Variants in MFN2 observed in about 807,000 individuals in gnomAD.
MFN2 encodes the protein mitofusin 2.
A neutral mutation model predicts 87.5 loss-of-function variants in MFN2; 43 were observed. That is an observed-to-expected ratio of 0.49 (90% confidence interval 0.38 to 0.63). The LOEUF is 0.63. MFN2 is among the 30% of genes least tolerant of loss of function. The pLI is 0.00. For missense variants in MFN2, 743 were observed against 972.8 expected, an observed-to-expected ratio of 0.76 and a Z score of 3.14; for synonymous variants, 337 against 359.9, an observed-to-expected ratio of 0.94 and a Z score of 0.72.
In MFN2 at chr1:11,997,408, G is replaced by T; in HGVS notation, c.586G>T (p.Val196Phe). 6.2e-7 allele frequency: 1 copy of T among 1,614,096 alleles called. No homozygotes were observed. Among genetic ancestry groups the T allele is most frequent in the Non-Finnish European group, 8.5e-7 (1 of 1,179,970 alleles). Residue 196 changes from valine to phenylalanine, a missense_variant, in exon 6 of 19, where the codon GTT becomes TTT. This residue lies in a region of MFN2 where 141 missense variants were observed against 278.9 expected (regional missense o/e 0.51). Coordinates refer to ENST00000235329, the MANE Select transcript of MFN2 (RefSeq NM_014874.4). ...GTGCCCACTTCTGAAGGATGACCTC[G>T]TTTTGATGGACAGGTAAGAGGGAGG... ...SKCPLLKDDLVLMDSPGIDVT... is the reference protein window; with the variant it reads ...SKCPLLKDDLFLMDSPGIDVT...
intron 17 of MFN2, among the ~76,000 whole-genome samples, chr1:12,007,753 C>T (rs1178573115): frequency 6.6e-6 from 1 of 152,034 alleles, no homozygotes; most frequent in Admixed American, 6.6e-5. Flanking sequence ...TGTCTTATAG[C>T]CATCTCCTTT....
In MFN2 at chr1:12,005,795, A is replaced by T; in HGVS notation, c.1580A>T (p.Asp527Val). Residue 527 changes from aspartate to valine, a missense_variant, in exon 15 of 19, where the codon GAC becomes GTC. Asp to Val is a radical substitution (Grantham distance 152). Coordinates refer to ENST00000235329, the MANE Select transcript of MFN2 (RefSeq NM_014874.4). ...VPRQCFSLNY[D>V]LNCDKLCADF... ...CGCCAGTGCTTCTCCCTCAACTATG[A>T]CCTAAACTGTGACAAGCTGTGTGCT... The T allele has an allele frequency of 6.2e-7, 1 of 1,614,012 alleles. No homozygotes were observed. Among genetic ancestry groups the T allele is most frequent in the Non-Finnish European group, 8.5e-7 (1 of 1,179,986 alleles).
intron 15 of MFN2, 150 bp from the exon 16 acceptor site, chr1:12,006,388 T>G: frequency 9.4e-7 from 1 of 1,065,212 alleles, no homozygotes; most frequent in Non-Finnish European, 1.4e-6. Context: ...TCTCCTCTGC[T>G]ACATCTGAAG....
intron 3 of MFN2, among the ~76,000 whole-genome samples, 192 bp downstream of exon 3, chr1:11,989,535 A>G (rs1256566729): frequency 6.6e-6 from 1 of 152,142 alleles, no homozygotes; most frequent in African/African-American, 2.4e-5. Flanking sequence ...GGGAACTGCC[A>G]TTTAGTAATT....
intron 8 of MFN2, among the ~76,000 whole-genome samples, chr1:12,001,038 C>G (rs1427483563): frequency 2.0e-5 from 3 of 151,770 alleles, no homozygotes; most frequent in Non-Finnish European, 4.4e-5. Flanking sequence ...TCTTTTTTTT[C>G]CCTCACTCTG....
intron 18 of MFN2, among the ~76,000 whole-genome samples, chr1:12,010,301 A>ACAGTACT (rs1639636812): frequency 1.3e-5 from 2 of 152,248 alleles, no homozygotes; most frequent in Non-Finnish European, 2.9e-5. Context: ...TGCAGTTCAC[A>ACAGTACT]GCGCCCTGTG....
intron 8 of MFN2, among the ~76,000 whole-genome samples, chr1:11,999,412 C>T (rs1365335915): frequency 6.6e-6 from 1 of 152,132 alleles, no homozygotes; most frequent in East Asian, 1.9e-4. Flanking sequence ...TCTAGGGAGG[C>T]CTCTGGGAAA....
Position 12,004,098 on chromosome 1 carries a change from A to G in MFN2, c.1267A>G (p.Thr423Ala), listed in dbSNP as rs765921889. ...QDYKLRIKQI[T>A]EEVERQVSTA... ...CTATAAGCTGCGAATTAAGCAGATT[A>G]CGGAGGAAGTGGAGAGGCAGGTGAG... The change falls in exon 12 of 19, where the codon ACG becomes GCG. Residue 423 changes from threonine (T) to alanine (A), a missense_variant. By Grantham distance (58) the Thr-to-Ala change is moderately conservative. Around this residue, in one of 3 missense-constraint regions of MFN2, gnomAD observed 571 missense variants for 670.7 expected, o/e 0.85. Transcript: ENST00000235329. The surrounding 1 kb of genome is among the most constrained non-coding windows in gnomAD (Gnocchi z 4.2). 6.2e-6 allele frequency: 10 copies of G among 1,614,046 alleles called. No homozygotes were observed. In the Admixed American group the frequency reaches 1.0e-4, roughly 16 times the overall value.
chr1:11,993,263 T>G (rs1638771725), intron 4 of MFN2, among the ~76,000 whole-genome samples: 1 of 151,654 alleles, frequency 6.6e-6, no homozygotes, highest in Non-Finnish European at 1.5e-5. Context: ...TTCATAAAAC[T>G]TTTATTCCAC....
chr1:12,003,174 TC>T lies in MFN2; in HGVS notation c.1161-816del, dbSNP rs58217213. ...TTTTAAGAGTCTTCCTGGGGTGAGT[TC>T]CTAGGGGTGTGGCAATTCTGTTTTA... On this transcript the variant is annotated intron_variant, in intron 11 of 18. Transcript: ENST00000235329. The surrounding 1 kb of genome is among the most constrained non-coding windows in gnomAD (Gnocchi z 4.1). Among the ~76,000 whole-genome samples, 7,140 of 152,222 alleles carry T rather than the reference TC, an allele frequency of 0.047. 236 individuals carry two copies. The highest frequency in any genetic ancestry group is 0.13 in the East Asian group (657 of 5,176).
At chr1:11,997,820 T>C (rs1423687600) in intron 6 of MFN2, among the ~76,000 whole-genome samples, 1 of 151,960 alleles carries the variant, frequency 6.6e-6, no homozygotes, top group East Asian at 1.9e-4. Flanking sequence ...ACATGTACAG[T>C]ATTGTAGTGT....
chr1:11,998,848 G>A lies in MFN2; in HGVS notation c.678G>A (p.Val226=), dbSNP rs768576445. Residue 226 remains valine (V), a synonymous_variant, in exon 7 of 19, where the codon GTG becomes GTA. Transcript: ENST00000235329. ...FCLDADVFVL[V]ANSESTLMQT... ...TGGATGCTGATGTGTTTGTGCTGGT[G>A]GCCAACTCAGAGTCCACCCTGATGC... 1 of 1,614,044 alleles carries A rather than the reference G, an allele frequency of 6.2e-7. No individual in the cohort carries two copies. Among genetic ancestry groups the A allele is most frequent in the African/African-American group, 1.3e-5 (1 of 74,890 alleles).
Position 12,007,050 on chromosome 1 carries a change from C to T in MFN2, c.1873-3C>T. 1 of 1,613,380 alleles carries T rather than the reference C, an allele frequency of 6.2e-7. No homozygotes were observed. The highest frequency in any genetic ancestry group is 8.5e-7 in the Non-Finnish European group (1 of 1,180,040). ...CACTCCAGGCTGACCATGTGCTCTG[C>T]AGGTGTGGAAGGCAGTGGGCTGGCG... On this transcript the variant is annotated splice_polypyrimidine_tract_variant and splice_region_variant and intron_variant, in intron 16 of 18. Transcript: ENST00000235329.
Position 11,999,032 on chromosome 1 carries a change from A to C in MFN2, c.753A>C (p.Pro251=), listed in dbSNP as rs1639057529. 2 of 1,614,128 alleles carry C rather than the reference A, an allele frequency of 1.2e-6. No homozygotes were observed. The highest frequency in any genetic ancestry group is 1.7e-6 in the Non-Finnish European group (2 of 1,180,022). Residue 251 remains proline (P), a synonymous_variant, in exon 8 of 19, where the codon CCA becomes CCC. Transcript: ENST00000235329. ...FHKVSERLSR[P]NIFILNNRWD... ...AGGTGAGTGAGCGTCTCTCCCGGCC[A>C]AACATCTTCATCCTGAACAACCGCT...
intron 4 of MFN2, among the ~76,000 whole-genome samples, chr1:11,994,165 A>G (rs111614341): frequency 1.6e-4 from 25 of 152,342 alleles, no homozygotes; most frequent in Non-Finnish European, 2.6e-4. Context: ...ACTGGAACCA[A>G]TGATCCTTTT....
intron 3 of MFN2, among the ~76,000 whole-genome samples, chr1:11,991,785 G>A (rs866044332): frequency 3.1e-4 from 46 of 150,342 alleles, no homozygotes; most frequent in African/African-American, 9.7e-4. Flanking sequence ...TTAGCCGGGC[G>A]TAGTGGCGGG....
chr1:12,004,642 G>A lies in MFN2; in HGVS notation c.1392+29G>A. On this transcript the variant is annotated intron_variant, in intron 13 of 18. Transcript: ENST00000235329. The surrounding 1 kb of genome is among the most constrained non-coding windows in gnomAD (Gnocchi z 4.2). ...AGTCATGGAGCAACAGGTCCTCTTGGCAGGAGGCCCCCAAAAGTGATTCAA... is the reference window on the plus strand; with the variant it reads ...AGTCATGGAGCAACAGGTCCTCTTGACAGGAGGCCCCCAAAAGTGATTCAA... 6.2e-7 allele frequency: 1 copy of A among 1,603,612 alleles called. No individual in the cohort carries two copies. The highest frequency in any genetic ancestry group is 8.5e-7 in the Non-Finnish European group (1 of 1,170,496).
At chr1:12,007,475 C>T (rs1390238871) in intron 17 of MFN2, among the ~76,000 whole-genome samples, 2 of 152,164 alleles carry the variant, frequency 1.3e-5, no homozygotes, top group Non-Finnish European at 2.9e-5. Flanking sequence ...CCTCTGGGCC[C>T]CTTGGTGAGG....
intron 4 of MFN2, 76 bp from the exon 5 acceptor site, chr1:11,996,080 A>T: frequency 6.3e-7 from 1 of 1,597,778 alleles, no homozygotes; most frequent in East Asian, 2.2e-5. Flanking sequence ...TTGGCCTTCC[A>T]GGCTGGTATC....
Sources: allele counts gnomAD v4.1 joint callset (sites outside exome capture counted in the v4.1 genomes callset), GRCh38; gene constraint gnomAD v4.1.1; regional missense constraint gnomAD v4.1.1; non-coding constraint Gnocchi (gnomAD v3.1); transcripts MANE v1.5; gene names NCBI Gene and HGNC (gene_info 2026-07-23, HGNC 2026-07-21).